FOXP1: variants seen among roughly 807,000 people sequenced by gnomAD.
FOXP1 encodes the protein forkhead box protein P1.
A neutral mutation model predicts 98.2 loss-of-function variants in FOXP1; 15 were observed. The observed-to-expected ratio is 0.15, with a 90% confidence interval of 0.10 to 0.24. FOXP1 has a LOEUF of 0.24. Among genes scored for constraint, FOXP1 ranks in the 10% least tolerant of loss-of-function variants. The pLI is 1.00. For missense variants in FOXP1, 633 were observed against 848.5 expected (o/e 0.75, Z 3.15); for synonymous variants, 371 against 314.5 (o/e 1.18, Z -1.90).
chr3:71,563,294 T>C (rs2046674392), intron 2 of FOXP1, among the ~76,000 whole-genome samples: 1 of 152,208 alleles, frequency 6.6e-6, no homozygotes. Context: ...CTTGTACATA[T>C]GACCCACTTC....
chr3:71,538,723 G>A (rs763039343), intron 2 of FOXP1, among the ~76,000 whole-genome samples: 2 of 152,116 alleles, frequency 1.3e-5, no homozygotes, highest in African/African-American at 2.4e-5. Flanking sequence ...TCTTTGTTGC[G>A]TGTGGTTTGG....
chr3:71,080,225 G>A (rs1401136441), intron 7 of FOXP1, among the ~76,000 whole-genome samples: 6 of 152,134 alleles, frequency 3.9e-5, no homozygotes, highest in Admixed American at 2.0e-4. Context: ...TGTCTAAACA[G>A]GTCATAAATG....
intron 2 of FOXP1, chr3:71,571,975 G>A (rs1431177126): frequency 6.6e-6 from 1 of 152,136 alleles, no homozygotes; most frequent in East Asian, 1.9e-4. Flanking sequence ...TATTTATATG[G>A]CTTTCTTACC....
chr3:71,481,196 A>G (rs1297288588), intron 3 of FOXP1, among the ~76,000 whole-genome samples: 2 of 152,160 alleles, frequency 1.3e-5, no homozygotes, highest in African/African-American at 4.8e-5. Flanking sequence ...AAAATTTACC[A>G]TGTGCTAACT....
intron 18 of FOXP1, chr3:70,972,145 G>C: frequency 6.5e-7 from 1 of 1,533,734 alleles, no homozygotes. Flanking sequence ...CTCTGATAAA[G>C]CACTTATGCA....
chr3:71,214,436 G>T (rs1043898443), intron 5 of FOXP1, among the ~76,000 whole-genome samples: 28 of 152,136 alleles, frequency 1.8e-4, no homozygotes, highest in Non-Finnish European at 3.5e-4. Flanking sequence ...TGACTACAGG[G>T]TCAACGGCGG....
chr3:71,576,443 G>A (rs745745876), intron 2 of FOXP1, among the ~76,000 whole-genome samples: 6 of 152,300 alleles, frequency 3.9e-5, no homozygotes, highest in Non-Finnish European at 7.3e-5. Context: ...TAAATATTTC[G>A]TGATATCAGT....
intron 3 of FOXP1, among the ~76,000 whole-genome samples, chr3:71,458,898 T>C (rs2087752954): frequency 6.6e-6 from 1 of 152,222 alleles, no homozygotes; most frequent in Admixed American, 6.5e-5. Flanking sequence ...ACAAAGAACC[T>C]TGTCCATTCC....
intron 14 of FOXP1, among the ~76,000 whole-genome samples, chr3:70,980,794 G>C (rs1335186687): frequency 6.6e-6 from 1 of 152,132 alleles, no homozygotes; most frequent in East Asian, 1.9e-4. Flanking sequence ...TGCTGCCCTT[G>C]AAGCGCTTAC....
chr3:71,429,535 T>C (rs1052147211), intron 3 of FOXP1, among the ~76,000 whole-genome samples: 1 of 151,760 alleles, frequency 6.6e-6, no homozygotes, highest in African/African-American at 2.4e-5. Flanking sequence ...TGTTGATGTC[T>C]GGGTGGCAGA....
At chr3:71,053,349 G>A in intron 8 of FOXP1, among the ~76,000 whole-genome samples, 1 of 152,188 alleles carries the variant, frequency 6.6e-6, no homozygotes, top group Non-Finnish European at 1.5e-5. Flanking sequence ...TAGGAGCCAT[G>A]TAAACCTAAA....
chr3:71,044,744 G>C (rs1421126951), intron 10 of FOXP1, among the ~76,000 whole-genome samples: 2 of 152,152 alleles, frequency 1.3e-5, no homozygotes, highest in Non-Finnish European at 2.9e-5. Flanking sequence ...AGAAAATGCA[G>C]GCACAGGTTT....
At chr3:71,477,328 T>C (rs1461309021) in intron 3 of FOXP1, among the ~76,000 whole-genome samples, 1 of 152,240 alleles carries the variant, frequency 6.6e-6, no homozygotes, top group Non-Finnish European at 1.5e-5. Flanking sequence ...TTCATCTCCA[T>C]GTAGGGCTCC....
chr3:71,338,505 G>A (rs1160131185), intron 4 of FOXP1, among the ~76,000 whole-genome samples: 3 of 152,154 alleles, frequency 2.0e-5, no homozygotes, highest in Non-Finnish European at 4.4e-5. Context: ...TCGGCTCACT[G>A]CAAGCTCCAT....
intron 6 of FOXP1, among the ~76,000 whole-genome samples, chr3:71,159,449 T>A (rs1203343808): frequency 6.6e-6 from 1 of 152,102 alleles, no homozygotes; most frequent in African/African-American, 2.4e-5. Flanking sequence ...ACAGAGGAAA[T>A]TGCCTTAAAT....
chr3:71,308,757 G>A (rs1173543957), intron 4 of FOXP1, among the ~76,000 whole-genome samples: 35 of 24,744 alleles, frequency 1.4e-3, no homozygotes, highest in African/African-American at 2.5e-3. Context: ...CAATGTGTGT[G>A]TGTGTGTGTG....
At chr3:71,023,560 A>C (rs1231852996) in intron 11 of FOXP1, among the ~76,000 whole-genome samples, 1 of 152,194 alleles carries the variant, frequency 6.6e-6, no homozygotes, top group South Asian at 2.1e-4. Context: ...TTCTTCAATG[A>C]CAGCTTATAC....
chr3:71,536,234 C>T (rs1267545537), intron 2 of FOXP1, among the ~76,000 whole-genome samples: 1 of 152,004 alleles, frequency 6.6e-6, no homozygotes, highest in African/African-American at 2.4e-5. Context: ...CCAAAGACAC[C>T]CTACAAGGAG....
chr3:71,446,046 TG>T (rs1239623417), intron 3 of FOXP1, among the ~76,000 whole-genome samples: 1 of 79,678 alleles, frequency 1.3e-5, no homozygotes, highest in Admixed American at 1.2e-4. Flanking sequence ...GGTGAGTGAG[TG>T]AGTGAGTGAG....
Sources: allele counts gnomAD v4.1 joint callset (sites outside exome capture counted in the v4.1 genomes callset), GRCh38; gene constraint gnomAD v4.1.1; transcripts MANE v1.5; gene names NCBI Gene and HGNC (gene_info 2026-07-23, HGNC 2026-07-21).